The following GRIK2 variants were observed in gnomAD, a reference collection of about 807,000 sequenced individuals.
GRIK2 encodes the protein glutamate receptor ionotropic, kainate 2.
Under a neutral mutation model 100.3 loss-of-function variants are expected in GRIK2, and 32 were observed. The ratio of observed to expected loss-of-function variants is 0.32; its 90% confidence interval spans 0.24 to 0.43. The LOEUF is 0.43. GRIK2 is among the 20% of genes least tolerant of loss of function. The pLI, the probability that GRIK2 is intolerant of heterozygous loss-of-function variation, is 1.00. For missense variants in GRIK2, 843 were observed against 1,114.9 expected (o/e 0.76, Z 3.47); for synonymous variants, 417 against 389.4 (o/e 1.07, Z -0.83).
At chr6:101,690,733 C>T (rs1772033244) in intron 7 of GRIK2, among the ~76,000 whole-genome samples, 1 of 152,136 alleles carries the variant, frequency 6.6e-6, no homozygotes. Context: ...TCTCATCTCA[C>T]CTTTGATGTG....
intron 2 of GRIK2, among the ~76,000 whole-genome samples, chr6:101,446,674 A>G (rs1339393881): frequency 6.6e-6 from 1 of 151,818 alleles, no homozygotes; most frequent in Non-Finnish European, 1.5e-5. Context: ...GTTTGAAAGA[A>G]TAACTTCAAA....
chr6:101,834,089 A>T (rs1458888641), intron 10 of GRIK2, among the ~76,000 whole-genome samples: 1 of 151,904 alleles, frequency 6.6e-6, no homozygotes, highest in Non-Finnish European at 1.5e-5. Context: ...TTTTTGAATC[A>T]ATTTTATATT....
At chr6:101,442,109 G>T (rs1240581770) in intron 2 of GRIK2, among the ~76,000 whole-genome samples, 1 of 152,102 alleles carries the variant, frequency 6.6e-6, no homozygotes, top group Non-Finnish European at 1.5e-5. Flanking sequence ...GGCAGAAAAG[G>T]ATAGCATGAA....
chr6:101,677,515 A>G (rs1035119222), intron 5 of GRIK2, among the ~76,000 whole-genome samples: 5 of 152,178 alleles, frequency 3.3e-5, no homozygotes, highest in Admixed American at 1.3e-4. Flanking sequence ...ATTCAGACCT[A>G]ACAGCAAACT....
At chr6:102,061,281 T>C (rs1771738421) in intron 16 of GRIK2, among the ~76,000 whole-genome samples, 1 of 150,576 alleles carries the variant, frequency 6.6e-6, no homozygotes, top group Admixed American at 6.6e-5. Flanking sequence ...ACTTTAGTTT[T>C]TAAAGTGTAA....
chr6:101,532,107 C>T (rs1252418976), intron 2 of GRIK2, among the ~76,000 whole-genome samples: 2 of 151,770 alleles, frequency 1.3e-5, no homozygotes, highest in East Asian at 3.9e-4. Flanking sequence ...TGGTGGGGTG[C>T]CGTTTGTGTT....
chr6:101,555,047 T>C (rs921471360), intron 2 of GRIK2, among the ~76,000 whole-genome samples: 4 of 152,168 alleles, frequency 2.6e-5, no homozygotes, highest in Non-Finnish European at 4.4e-5. Flanking sequence ...TGGGAAACAT[T>C]AGAGAAAAAC....
chr6:101,999,817 CTT>C (rs1247800080), intron 14 of GRIK2, among the ~76,000 whole-genome samples: 3 of 151,894 alleles, frequency 2.0e-5, no homozygotes, highest in Admixed American at 6.6e-5. Context: ...TTATAGGTAA[CTT>C]ATATCGGGTT....
At chr6:101,566,803 G>A (rs1390810376) in intron 2 of GRIK2, among the ~76,000 whole-genome samples, 2 of 148,754 alleles carry the variant, frequency 1.3e-5, no homozygotes, top group Admixed American at 6.7e-5. Flanking sequence ...TAATATAAAT[G>A]TCTATTATAT....
chr6:101,434,745 G>T (rs745616356), intron 2 of GRIK2, among the ~76,000 whole-genome samples: 2 of 152,056 alleles, frequency 1.3e-5, no homozygotes, highest in Non-Finnish European at 2.9e-5. Flanking sequence ...GTCCCTCATG[G>T]TGGGCTGCCC....
At chr6:101,984,000 GA>G (rs1793871582) in intron 14 of GRIK2, among the ~76,000 whole-genome samples, 1 of 151,398 alleles carries the variant, frequency 6.6e-6, no homozygotes, top group Admixed American at 6.6e-5. Flanking sequence ...TTATTTTGAA[GA>G]AAAAAAGCAA....
At chr6:101,786,079 G>A (rs904529227) in intron 7 of GRIK2, among the ~76,000 whole-genome samples, 1 of 151,970 alleles carries the variant, frequency 6.6e-6, no homozygotes, top group African/African-American at 2.4e-5. Context: ...TGTTGGTAGT[G>A]TAAATGAGAT....
chr6:101,530,264 T>A (rs1775371718), intron 2 of GRIK2, among the ~76,000 whole-genome samples: 1 of 152,020 alleles, frequency 6.6e-6, no homozygotes, highest in South Asian at 2.1e-4. Context: ...TCTAGAGAAT[T>A]GTCTTAGTTT....
intron 4 of GRIK2, among the ~76,000 whole-genome samples, chr6:101,642,835 A>G (rs1781343861): frequency 6.6e-6 from 1 of 151,652 alleles, no homozygotes; most frequent in South Asian, 2.1e-4. Flanking sequence ...AATGGATATA[A>G]CATCATTCCT....
intron 11 of GRIK2, among the ~76,000 whole-genome samples, chr6:101,862,097 A>G (rs1784765995): frequency 1.3e-5 from 2 of 152,222 alleles, no homozygotes; most frequent in South Asian, 4.1e-4. Flanking sequence ...GAAGACAATG[A>G]TTATCTTGCA....
chr6:101,605,652 T>C (rs1284175036), intron 2 of GRIK2, among the ~76,000 whole-genome samples: 1 of 152,064 alleles, frequency 6.6e-6, no homozygotes, highest in African/African-American at 2.4e-5. Flanking sequence ...CACTCCGGCC[T>C]AGGTGACAAG....
intron 2 of GRIK2, among the ~76,000 whole-genome samples, chr6:101,438,132 T>A (rs1256573299): frequency 2.0e-5 from 3 of 152,090 alleles, no homozygotes; most frequent in Non-Finnish European, 4.4e-5. Flanking sequence ...GTGCCACATT[T>A]GTTATATAGA....
chr6:101,556,655 C>T (rs947037797), intron 2 of GRIK2, among the ~76,000 whole-genome samples: 3 of 152,012 alleles, frequency 2.0e-5, no homozygotes, highest in African/African-American at 7.2e-5. Context: ...ATGTTTTACA[C>T]ACAGCAGATT....
At chr6:101,984,946 A>G (rs1049928318) in intron 14 of GRIK2, among the ~76,000 whole-genome samples, 1 of 151,698 alleles carries the variant, frequency 6.6e-6, no homozygotes, top group Non-Finnish European at 1.5e-5. Context: ...TCAATGCCCC[A>G]TGATCTGCTC....
Sources: allele counts gnomAD v4.1 joint callset (sites outside exome capture counted in the v4.1 genomes callset), GRCh38; gene constraint gnomAD v4.1.1; transcripts MANE v1.5; gene names NCBI Gene and HGNC (gene_info 2026-07-23, HGNC 2026-07-21).